Variants in PSD3 observed in about 807,000 individuals in gnomAD.
PSD3 encodes the protein PH and SEC7 domain-containing protein 3.
Under a neutral mutation model 105.5 loss-of-function variants are expected in PSD3, and 49 were observed. The ratio of observed to expected loss-of-function variants is 0.46; its 90% CI spans 0.37 to 0.59. PSD3 has a LOEUF of 0.59. Among genes scored for constraint, PSD3 ranks in the 20% least tolerant of loss-of-function variants. The pLI is 0.00. For synonymous variants in PSD3, 557 were observed against 457.8 expected (o/e 1.22, Z -2.77); for missense variants, 1,561 against 1,263.8 (o/e 1.24, Z -3.57).
chr8:19,068,902 G>A lies in PSD3; in HGVS notation c.324+15304C>T, dbSNP rs528105820. Among the ~76,000 whole-genome samples, 8 of 152,130 alleles carry A rather than the reference G, an allele frequency of 5.3e-5. No homozygotes were observed. The South Asian group carries it at 1.2e-3, about 24-fold the overall frequency. ...TGCCCACATCTGCTTCCTTTCAAGG[G>A]GTGGCCTGGAAAGGTGAACAGTCCA... On this transcript the variant is annotated intron_variant, in intron 1 of 1. Transcript: ENST00000521475.
intron 9 of PSD3, among the ~76,000 whole-genome samples, chr8:18,698,631 C>T (rs190886602): frequency 7.9e-5 from 12 of 152,272 alleles, no homozygotes; most frequent in African/African-American, 2.6e-4. Context: ...GACTTCTGAC[C>T]TTCAGACCTA....
intron 15 of PSD3, among the ~76,000 whole-genome samples, chr8:18,551,612 T>C (rs1004743871): frequency 6.6e-6 from 1 of 152,194 alleles, no homozygotes; most frequent in Admixed American, 6.5e-5. Flanking sequence ...AGCCATGTGG[T>C]TGGTGTGGGC....
chr8:19,041,702 T>C (rs775045997), intron 1 of PSD3, among the ~76,000 whole-genome samples: 23 of 152,202 alleles, frequency 1.5e-4, no homozygotes, highest in Non-Finnish European at 3.2e-4. Flanking sequence ...AGCTTTCAAA[T>C]AGATGACACA....
At chr8:18,811,227 T>C (rs367590149) in intron 4 of PSD3, among the ~76,000 whole-genome samples, 24 of 152,320 alleles carry the variant, frequency 1.6e-4, no homozygotes, top group African/African-American at 5.1e-4. Flanking sequence ...ATTTTACAGA[T>C]GGGAAAACTG....
At chr8:19,026,133 A>G (rs959263008) in intron 1 of PSD3, among the ~76,000 whole-genome samples, 1 of 152,186 alleles carries the variant, frequency 6.6e-6, no homozygotes, top group East Asian at 1.9e-4. Flanking sequence ...ACCTGCCCCC[A>G]TGATTCAATT....
intron 15 of PSD3, 127 bp from the exon 16 acceptor site, chr8:18,536,085 C>T: frequency 1.1e-6 from 1 of 873,794 alleles, no homozygotes; most frequent in Non-Finnish European, 1.8e-6. Context: ...ATTTCCCAAA[C>T]TGACAAATTA....
In PSD3 at chr8:18,563,090, G is replaced by A. The variant is rs1448338445; in HGVS notation, c.2785-6738C>T. ...GTTTTATCTCCTTTACCGATTACAA[G>A]CTCTTAAAAAGGCAAAAAAGGTCAC... On this transcript the variant is annotated intron_variant, in intron 14 of 15. Coordinates refer to ENST00000327040, the MANE Select transcript of PSD3 (RefSeq NM_015310.4). Among the ~76,000 whole-genome samples the A allele has an allele frequency of 2.6e-5, 4 of 152,094 alleles. No homozygotes were observed. In the East Asian group the frequency reaches 5.8e-4, roughly 22 times the overall value.
intron 1 of PSD3, among the ~76,000 whole-genome samples, chr8:18,972,867 C>G (rs915308231): frequency 1.3e-5 from 2 of 152,212 alleles, no homozygotes; most frequent in African/African-American, 4.8e-5. Flanking sequence ...AGACACACAG[C>G]ATGGAAAGCA....
intron 4 of PSD3, among the ~76,000 whole-genome samples, chr8:18,827,014 G>A (rs189289615): frequency 6.6e-6 from 1 of 151,828 alleles, no homozygotes; most frequent in Non-Finnish European, 1.5e-5. Flanking sequence ...ACATTGTTTC[G>A]TACCAATATT....
At chr8:18,612,468 G>A (rs1585385788) in intron 11 of PSD3, among the ~76,000 whole-genome samples, 1 of 152,018 alleles carries the variant, frequency 6.6e-6, no homozygotes, top group East Asian at 1.9e-4. Flanking sequence ...CACCTCCTGG[G>A]TTCAAGCCAT....
At chr8:18,577,522 T>A (rs1802535364) in intron 12 of PSD3, among the ~76,000 whole-genome samples, 1 of 152,128 alleles carries the variant, frequency 6.6e-6, no homozygotes, top group South Asian at 2.1e-4. Context: ...GTTTTATACA[T>A]ATTTTAGTTG....
chr8:18,546,618 T>C (rs983868873), intron 15 of PSD3, among the ~76,000 whole-genome samples: 1 of 152,208 alleles, frequency 6.6e-6, no homozygotes, highest in African/African-American at 2.4e-5. Context: ...ACCTGTTTCA[T>C]CTATTTATTC....
rs903727326 is a variant in PSD3 at position 18,538,099 on chromosome 8, C to T, written c.2929-2141G>A. Among the ~76,000 whole-genome samples the T allele has an allele frequency of 5.3e-5, 8 of 152,202 alleles. No homozygotes were observed. The South Asian group carries it at 6.2e-4, about 12-fold the overall frequency. On this transcript the variant is annotated intron_variant, in intron 15 of 15. Transcript: ENST00000327040. ...CTGCACCTGAGGAAAAATGGAAAGACGGAGAGAGCCATGTTGACATGATGA... is the reference window on the plus strand; with the variant it reads ...CTGCACCTGAGGAAAAATGGAAAGATGGAGAGAGCCATGTTGACATGATGA...
chr8:18,765,185 A>T (rs1806870584), intron 9 of PSD3, among the ~76,000 whole-genome samples: 1 of 152,144 alleles, frequency 6.6e-6, no homozygotes, highest in Non-Finnish European at 1.5e-5. Context: ...ATCGAACAAA[A>T]ACTGCCACTC....
intron 1 of PSD3, among the ~76,000 whole-genome samples, chr8:19,044,973 T>A (rs1302693660): frequency 1.3e-5 from 2 of 152,090 alleles, no homozygotes; most frequent in Non-Finnish European, 2.9e-5. Context: ...TCACCTGAGG[T>A]CAGGAGTTCA....
chr8:18,575,388 T>A, intron 12 of PSD3, 103 bp from the exon 13 acceptor site: 1 of 1,101,970 alleles, frequency 9.1e-7, no homozygotes, highest in Non-Finnish European at 1.2e-6. Context: ...GAAATCCAAG[T>A]AAGTGAATGA....
intron 2 of PSD3, among the ~76,000 whole-genome samples, chr8:18,890,649 T>C (rs1394230648): frequency 6.6e-6 from 1 of 152,190 alleles, no homozygotes; most frequent in African/African-American, 2.4e-5. Flanking sequence ...AAACATTACA[T>C]GTAATAAAGA....
chr8:18,860,150 G>A (rs1267882590), intron 4 of PSD3, among the ~76,000 whole-genome samples: 1 of 152,120 alleles, frequency 6.6e-6, no homozygotes, highest in Middle Eastern at 3.2e-3. Flanking sequence ...GCAATAGGGA[G>A]GCCCGAGAAG....
At chr8:18,796,947 C>T (rs917355042) in intron 8 of PSD3, among the ~76,000 whole-genome samples, 4 of 151,952 alleles carry the variant, frequency 2.6e-5, no homozygotes, top group African/African-American at 7.3e-5. Context: ...CTGCATGATT[C>T]GATTTCATAG....
Sources: allele counts gnomAD v4.1 joint callset (sites outside exome capture counted in the v4.1 genomes callset), GRCh38; gene constraint gnomAD v4.1.1; transcripts MANE v1.5; gene names NCBI Gene and HGNC (gene_info 2026-07-23, HGNC 2026-07-21).